The following RANBP2 variants were observed in gnomAD, a reference collection of about 807,000 sequenced individuals.
RANBP2 encodes the protein RAN binding protein 2.
RANBP2 carries 57 observed loss-of-function variants against 303.6 expected under a neutral mutation model. The observed-to-expected ratio is 0.19, with a 90% CI of 0.15 to 0.23. The LOEUF (loss-of-function observed/expected upper bound fraction) is 0.23. Among genes scored for constraint, RANBP2 ranks in the 10% least tolerant of loss-of-function variants. The probability of loss-of-function intolerance (pLI) is 1.00; values close to 1 mark genes in which losing one functional copy is unlikely to be tolerated. For missense variants in RANBP2, 3,138 were observed against 3,780.8 expected, an observed-to-expected ratio of 0.83 and a Z score of 4.46; for synonymous variants, 1,167 against 1,301.5, an observed-to-expected ratio of 0.90 and a Z score of 2.23.
the RANBP2 span, among the ~76,000 whole-genome samples, chr2:109,537,964 T>TACACACACACACACAA: frequency 6.6e-6 from 1 of 150,778 alleles, no homozygotes; most frequent in Non-Finnish European, 1.5e-5. Context: ...CACACACACA[T>TACACACACACACACAA]ACACACACAC....
chr2:109,086,170 T>C, the RANBP2 span, among the ~76,000 whole-genome samples: 1 of 152,174 alleles, frequency 6.6e-6, no homozygotes, highest in Non-Finnish European at 1.5e-5. Flanking sequence ...GCTTATCCAG[T>C]CATCCATCAA....
chr2:109,406,405 T>TC, the RANBP2 span, among the ~76,000 whole-genome samples: 5 of 152,024 alleles, frequency 3.3e-5, no homozygotes, highest in Non-Finnish European at 5.9e-5. Flanking sequence ...AGTGCCCAGG[T>TC]CCATCACTGA....
chr2:108,983,305 C>T, the RANBP2 span, among the ~76,000 whole-genome samples: 8 of 152,178 alleles, frequency 5.3e-5, no homozygotes, highest in African/African-American at 1.9e-4. Flanking sequence ...CTTGAGACTC[C>T]TCTAAAGTAC....
At chr2:109,392,200 C>T in the RANBP2 span, among the ~76,000 whole-genome samples, 1 of 152,160 alleles carries the variant, frequency 6.6e-6, no homozygotes, top group African/African-American at 2.4e-5. Flanking sequence ...ATAGGTATAC[C>T]TCAGTGAATA....
the RANBP2 span, among the ~76,000 whole-genome samples, chr2:109,478,188 C>T: frequency 5.9e-5 from 9 of 152,332 alleles, no homozygotes; most frequent in South Asian, 2.1e-4. Context: ...TATGACCTAA[C>T]GGCCTTGTTA....
chr2:109,090,021 C>T, the RANBP2 span, among the ~76,000 whole-genome samples: 10 of 152,062 alleles, frequency 6.6e-5, no homozygotes, highest in Admixed American at 2.0e-4. Context: ...ATGCCTTCTC[C>T]AAACTGTTGC....
chr2:109,737,107 T>G, the RANBP2 span: 98 of 1,215,988 alleles, frequency 8.1e-5, no homozygotes, highest in East Asian at 2.2e-3. Context: ...ATTCAAGAAC[T>G]CATACAAAAT....
chr2:109,288,187 C>T, the RANBP2 span, among the ~76,000 whole-genome samples: 10 of 152,346 alleles, frequency 6.6e-5, no homozygotes, highest in East Asian at 1.7e-3. Flanking sequence ...GATGTGTTTG[C>T]AGCCATTCAG....
At chr2:109,287,533 C>T in the RANBP2 span, among the ~76,000 whole-genome samples, 1 of 152,170 alleles carries the variant, frequency 6.6e-6, no homozygotes, top group Non-Finnish European at 1.5e-5. Flanking sequence ...TTCCATGCAC[C>T]CTGCAGAGCC....
chr2:109,760,032 T>C, the RANBP2 span, among the ~76,000 whole-genome samples: 1 of 145,618 alleles, frequency 6.9e-6, no homozygotes, highest in Non-Finnish European at 1.5e-5. Flanking sequence ...CATTTTCCCC[T>C]CTCTTTTCTC....
At chr2:109,162,115 G>A in the RANBP2 span, among the ~76,000 whole-genome samples, 1 of 152,168 alleles carries the variant, frequency 6.6e-6, no homozygotes, top group African/African-American at 2.4e-5. Context: ...GCTGAGGATG[G>A]ACACCTGCTT....
At chr2:109,578,850 A>G in the RANBP2 span, among the ~76,000 whole-genome samples, 1 of 152,328 alleles carries the variant, frequency 6.6e-6, no homozygotes, top group East Asian at 1.9e-4. Flanking sequence ...CCACGCTTAC[A>G]GGGTAGTTTA....
chr2:109,367,039 C>T, the RANBP2 span, among the ~76,000 whole-genome samples: 1 of 150,932 alleles, frequency 6.6e-6, no homozygotes, highest in African/African-American at 2.4e-5. Flanking sequence ...CTGCAACTTT[C>T]ACCTCCTGGT....
intron 25 of RANBP2, among the ~76,000 whole-genome samples, chr2:108,778,133 A>G (rs1308543799): frequency 6.6e-6 from 1 of 152,224 alleles, no homozygotes; most frequent in Non-Finnish European, 1.5e-5. Context: ...ACACAAAAAA[A>G]ATCCCAAAAA....
At chr2:108,874,559 C>T in the RANBP2 span, among the ~76,000 whole-genome samples, 3 of 152,302 alleles carry the variant, frequency 2.0e-5, no homozygotes, top group African/African-American at 7.2e-5. Context: ...CTCATCCCCT[C>T]ATCCATGATT....
Position 108,764,460 on chromosome 2 carries a change from C to A in RANBP2, c.3921C>A (p.Ala1307=). ...KFEEAQSILK[A]PGTNVAMASN... ...AAGAAGCCCAGAGCATTTTAAAAGC[C>A]CCAGGAACAAATGTAGCCATGGCGT... Residue 1307 remains alanine, a synonymous_variant, in exon 20 of 29, where the codon GCC becomes GCA. Coordinates refer to ENST00000283195, the MANE Select transcript of RANBP2 (RefSeq NM_006267.5). The A allele has an allele frequency of 6.2e-7, 1 of 1,613,872 alleles. No homozygotes were observed. The highest frequency in any genetic ancestry group is 8.5e-7 in the Non-Finnish European group (1 of 1,179,958).
chr2:108,885,179 C>G, the RANBP2 span: 1 of 152,216 alleles, frequency 6.6e-6, no homozygotes, highest in South Asian at 2.1e-4. Flanking sequence ...CAATGCTGGA[C>G]TTTGGTTTTT....
intron 17 of RANBP2, among the ~76,000 whole-genome samples, chr2:108,757,828 G>T (rs1573790504): frequency 1.3e-5 from 2 of 152,204 alleles, no homozygotes; most frequent in South Asian, 2.1e-4. Flanking sequence ...GGCAAGTGTA[G>T]AATGGAAATG....
chr2:109,342,116 G>A, the RANBP2 span, among the ~76,000 whole-genome samples: 8 of 152,234 alleles, frequency 5.3e-5, no homozygotes, highest in Non-Finnish European at 1.2e-4. Flanking sequence ...CAGGTGGGCA[G>A]ACTCTGTGTC....
Sources: allele counts gnomAD v4.1 joint callset (sites outside exome capture counted in the v4.1 genomes callset), GRCh38; gene constraint gnomAD v4.1.1; transcripts MANE v1.5; gene names NCBI Gene and HGNC (gene_info 2026-07-23, HGNC 2026-07-21).